The following SDK1 variants were observed in gnomAD, a reference collection of about 807,000 sequenced individuals.
SDK1 encodes the protein protein sidekick-1.
A neutral mutation model predicts 245.5 loss-of-function variants in SDK1; 157 were observed. That is an observed-to-expected ratio of 0.64 (90% CI 0.56 to 0.73). The LOEUF (loss-of-function observed/expected upper bound fraction) is 0.73, where lower values mean the gene tolerates loss of function less well. SDK1 is among the 30% of genes least tolerant of loss of function. SDK1 has a pLI of 0.00. For missense variants in SDK1, 3,583 were observed against 3,002.3 expected (o/e 1.19, Z -4.52); for synonymous variants, 1,647 against 1,278.5 (o/e 1.29, Z -6.15).
chr7:3,967,290 T>A (rs773067573), intron 9 of SDK1, 28 bp from the exon 10 acceptor site: 2 of 1,564,050 alleles, frequency 1.3e-6, no homozygotes, highest in Admixed American at 3.3e-5. Context: ...AACAAGGCCC[T>A]GATCATTTCA....
chr7:3,359,019 G>A (rs747645240), intron 1 of SDK1, among the ~76,000 whole-genome samples: 2 of 152,118 alleles, frequency 1.3e-5, no homozygotes, highest in African/African-American at 4.8e-5. Flanking sequence ...GAGTTATGCT[G>A]GTTTCCTCAG....
At chr7:3,870,554 C>T (rs1780931212) in intron 5 of SDK1, among the ~76,000 whole-genome samples, 1 of 148,616 alleles carries the variant, frequency 6.7e-6, no homozygotes, top group Non-Finnish European at 1.5e-5. Context: ...GTACCATTTA[C>T]CTTTTTGTAA....
In SDK1 at chr7:4,045,673, C is replaced by T. The variant is rs369601304; in HGVS notation, c.2603-3675C>T. On this transcript the variant is annotated intron_variant, in intron 17 of 44. Coordinates refer to ENST00000404826, the MANE Select transcript of SDK1 (RefSeq NM_152744.4). ...GCACCAAACGGTCCCACCAGGTGGCCGTGCCATGGGCATCCGCATCTCAAA... is the reference window on the plus strand; with the variant it reads ...GCACCAAACGGTCCCACCAGGTGGCTGTGCCATGGGCATCCGCATCTCAAA... 3.7e-3 allele frequency among the ~76,000 whole-genome samples: 565 copies of T among 152,284 alleles called. 6 individuals are homozygous for T. The South Asian group carries it at 0.039, about 11-fold the overall frequency.
intron 20 of SDK1, among the ~76,000 whole-genome samples, chr7:4,076,107 T>A (rs1360189379): frequency 6.6e-6 from 1 of 152,172 alleles, no homozygotes; most frequent in African/African-American, 2.4e-5. Flanking sequence ...GAAGCAAAAC[T>A]CACACACTCA....
intron 35 of SDK1, among the ~76,000 whole-genome samples, chr7:4,186,491 G>A (rs1782902453): frequency 6.6e-6 from 1 of 152,230 alleles, no homozygotes; most frequent in East Asian, 1.9e-4. Flanking sequence ...CCTCCTTGGA[G>A]CCTGTGGCCT....
At chr7:3,631,464 C>G (rs1470778254) in intron 2 of SDK1, among the ~76,000 whole-genome samples, 2 of 152,192 alleles carry the variant, frequency 1.3e-5, no homozygotes, top group Non-Finnish European at 2.9e-5. Flanking sequence ...TGTCAGCTCT[C>G]TTTTTCTAGT....
chr7:3,688,064 T>G (rs1393828647), intron 4 of SDK1, among the ~76,000 whole-genome samples: 2 of 152,216 alleles, frequency 1.3e-5, no homozygotes, highest in East Asian at 3.8e-4. Context: ...TTTAATTGCA[T>G]TTAGGGAAGC....
At chr7:3,343,715 AAT>A (rs557354399) in intron 1 of SDK1, among the ~76,000 whole-genome samples, 323 of 100,890 alleles carry the variant, frequency 3.2e-3, no homozygotes, top group African/African-American at 0.016. Context: ...ATTATCTCTT[AAT>A]AAAAAGTTAA....
At position 3,334,968 on chromosome 7, in the gene SDK1, G is replaced by A. The variant is rs541470949; in HGVS notation, c.298+33084G>A. On this transcript the variant is annotated intron_variant, in intron 1 of 44. Coordinates refer to ENST00000404826, the MANE Select transcript of SDK1 (RefSeq NM_152744.4). ...AGTAACTCAGGCCCCAAATCTTGGA[G>A]TTATCCTTCATTTTTTTTCTTCTCT... Among the ~76,000 whole-genome samples the A allele has an allele frequency of 5.2e-4, 79 of 152,192 alleles. 3 individuals carry two copies. The South Asian group carries it at 0.015, about 29-fold the overall frequency.
At chr7:3,319,926 A>G (rs908082785) in intron 1 of SDK1, among the ~76,000 whole-genome samples, 1 of 96,782 alleles carries the variant, frequency 1.0e-5, no homozygotes, top group African/African-American at 4.3e-5. Flanking sequence ...TTGAGCATTG[A>G]AAGGGAGGGC....
intron 5 of SDK1, among the ~76,000 whole-genome samples, chr7:3,836,849 T>C (rs1300160535): frequency 6.6e-6 from 1 of 152,128 alleles, no homozygotes; most frequent in African/African-American, 2.4e-5. Context: ...TTCTGAAAAC[T>C]GGAAGTCCAA....
Position 3,975,303 on chromosome 7 carries a change from C to T in SDK1, c.1994+758C>T, listed in dbSNP as rs948919670. ...AATAAAACCTGAAAATAAAGAATCC[C>T]AACCGAGCACTCATCAAGGCAGTGG... On this transcript the variant is annotated intron_variant, in intron 13 of 44. Transcript: ENST00000404826. Among the ~76,000 whole-genome samples, 4 of 152,128 alleles carry T rather than the reference C, an allele frequency of 2.6e-5. 1 individual carries two copies. Among genetic ancestry groups the T allele is most frequent in the East Asian group, 1.9e-4 (1 of 5,184 alleles).
chr7:3,558,875 G>A (rs1779667199), intron 1 of SDK1, among the ~76,000 whole-genome samples: 1 of 152,122 alleles, frequency 6.6e-6, no homozygotes, highest in African/African-American at 2.4e-5. Context: ...TTTGTAGACT[G>A]CTATATGCAT....
intron 4 of SDK1, among the ~76,000 whole-genome samples, chr7:3,722,773 C>G (rs955288472): frequency 2.6e-5 from 4 of 152,194 alleles, no homozygotes; most frequent in African/African-American, 7.2e-5. Flanking sequence ...CAGCACCGCC[C>G]TCTGTCTGTT....
intron 1 of SDK1, among the ~76,000 whole-genome samples, chr7:3,386,846 A>C (rs972746321): frequency 2.0e-5 from 3 of 152,144 alleles, no homozygotes; most frequent in Non-Finnish European, 4.4e-5. Context: ...TTTTGGCCCA[A>C]GAGTAGACAA....
At position 3,471,368 on chromosome 7, in the gene SDK1, A is replaced by G. The variant is rs369986894; in HGVS notation, c.299-147712A>G. On this transcript the variant is annotated intron_variant, in intron 1 of 44. Coordinates refer to ENST00000404826, the MANE Select transcript of SDK1 (RefSeq NM_152744.4). ...TGTCAGTAAGTGGTATTAGGAATCT[A>G]GATTATTTTTATTAGAACTTATTTC... 8.5e-5 allele frequency among the ~76,000 whole-genome samples: 13 copies of G among 152,296 alleles called. No homozygotes were observed. In the East Asian group the frequency reaches 2.3e-3, roughly 27 times the overall value.
At chr7:3,994,008 T>C (rs1391398853) in intron 14 of SDK1, among the ~76,000 whole-genome samples, 1 of 152,144 alleles carries the variant, frequency 6.6e-6, no homozygotes, top group Non-Finnish European at 1.5e-5. Flanking sequence ...TCTTCCTTCT[T>C]ATTTTCTCCT....
At chr7:3,714,182 T>G (rs1028340895) in intron 4 of SDK1, among the ~76,000 whole-genome samples, 1 of 152,156 alleles carries the variant, frequency 6.6e-6, no homozygotes, top group African/African-American at 2.4e-5. Flanking sequence ...GCTCTGGACT[T>G]AGACTCAGAG....
In SDK1 at chr7:4,139,697, G is replaced by T. The variant is rs56205360; in HGVS notation, c.4229-6025G>T. Among the ~76,000 whole-genome samples the T allele has an allele frequency of 2.8e-3, 26 of 9,234 alleles. 5 individuals are homozygous for T. Among genetic ancestry groups the T allele is most frequent in the African/African-American group, 0.018 (26 of 1,476 alleles). 6.1% of individuals were successfully genotyped at this position (9,234 alleles called of 152,430 possible). On this transcript the variant is annotated intron_variant, in intron 28 of 44. Coordinates refer to ENST00000404826, the MANE Select transcript of SDK1 (RefSeq NM_152744.4). ...TGTATATGTGTGTGTGTGTATGTGT[G>T]TGTGTGTATGTGTGTGTGTGTGTAT...
Sources: allele counts gnomAD v4.1 joint callset (sites outside exome capture counted in the v4.1 genomes callset), GRCh38; gene constraint gnomAD v4.1.1; transcripts MANE v1.5; gene names NCBI Gene and HGNC (gene_info 2026-07-23, HGNC 2026-07-21).